PTPRN2: variants seen among roughly 807,000 people sequenced by gnomAD.
PTPRN2 encodes protein tyrosine phosphatase receptor type N2, also known as receptor-type tyrosine-protein phosphatase N2.
A neutral mutation model predicts 118.8 loss-of-function variants in PTPRN2; 74 were observed. The ratio of observed to expected loss-of-function variants is 0.62; its 90% CI spans 0.52 to 0.76. PTPRN2 has a LOEUF of 0.76. Ranked by LOEUF, PTPRN2 falls within the 30% of genes least tolerant of loss-of-function variation. PTPRN2 has a pLI of 0.00. For missense variants in PTPRN2, 1,481 were observed against 1,394.4 expected (o/e 1.06, Z -0.99); for synonymous variants, 641 against 608.0 (o/e 1.05, Z -0.80).
intron 12 of PTPRN2, among the ~76,000 whole-genome samples, chr7:157,720,274 C>A (rs1320036893): frequency 2.6e-5 from 4 of 152,102 alleles, no homozygotes; most frequent in African/African-American, 9.7e-5. Flanking sequence ...GCTACCCTCG[C>A]CCCATCATGC....
intron 2 of PTPRN2, among the ~76,000 whole-genome samples, chr7:158,389,249 G>A (rs1444496117): frequency 1.3e-5 from 2 of 152,250 alleles, no homozygotes; most frequent in Non-Finnish European, 2.9e-5. Context: ...CACACCTGCT[G>A]TACATAAAGT....
At chr7:158,342,166 C>G (rs569895895) in intron 2 of PTPRN2, among the ~76,000 whole-genome samples, 3 of 148,644 alleles carry the variant, frequency 2.0e-5, no homozygotes, top group South Asian at 2.2e-4. Flanking sequence ...CACCCACACT[C>G]TCACCATAAG....
intron 13 of PTPRN2, among the ~76,000 whole-genome samples, chr7:157,675,854 C>T (rs564476004): frequency 3.3e-5 from 5 of 152,304 alleles, no homozygotes; most frequent in East Asian, 3.9e-4. Context: ...AGGGGCTGGG[C>T]CTCGCACCCC....
rs369588929 is a variant in PTPRN2, at chr7:157,861,899, G to C, written c.1788+36774C>G. The stretch of plus-strand genomic sequence containing the variant: ...TCCTCCCCATCACAGGGACACTGCT[G>C]CTTCGAGGACTCTGTGTGCCGGAGT... On this transcript the variant is annotated intron_variant, in intron 12 of 22. Coordinates refer to ENST00000389418, the MANE Select transcript of PTPRN2 (RefSeq NM_002847.5). The surrounding 1 kb of genome is among the most constrained non-coding windows in gnomAD (Gnocchi z 5.8). Among the ~76,000 whole-genome samples, 236 of 148,424 alleles carry C rather than the reference G, an allele frequency of 1.6e-3. 2 individuals carry two copies. The South Asian group carries it at 0.037, about 23-fold the overall frequency.
At chr7:158,530,940 G>A (rs1298807069) in intron 1 of PTPRN2, among the ~76,000 whole-genome samples, 8 of 152,004 alleles carry the variant, frequency 5.3e-5, no homozygotes, top group Non-Finnish European at 1.0e-4. Flanking sequence ...AAACATACAC[G>A]TGTGTGTGTG....
At chr7:157,554,311 A>T (rs1396787048) in intron 21 of PTPRN2, among the ~76,000 whole-genome samples, 1 of 81,160 alleles carries the variant, frequency 1.2e-5, no homozygotes, top group Non-Finnish European at 2.4e-5. Flanking sequence ...CGGGCGCCGG[A>T]TCCTGCCCGC....
intron 16 of PTPRN2, among the ~76,000 whole-genome samples, chr7:157,601,931 G>A (rs1274602613): frequency 6.6e-6 from 1 of 152,198 alleles, no homozygotes; most frequent in Admixed American, 6.5e-5. Context: ...GTACAGGAAC[G>A]GAATCCAGGC....
At chr7:158,077,107 G>A (rs10247502) in intron 11 of PTPRN2, among the ~76,000 whole-genome samples, 49,282 of 152,116 alleles carry the variant, frequency 0.32, 8,802 homozygotes, top group African/African-American at 0.47. Flanking sequence ...CTCCAGCAGA[G>A]AGGCCTGTGA....
intron 12 of PTPRN2, among the ~76,000 whole-genome samples, chr7:157,887,419 TCCCCCAGTACCCACTC>T (rs1796519587): frequency 9.5e-5 from 2 of 21,134 alleles, no homozygotes; most frequent in African/African-American, 1.9e-4. Context: ...AGTACCCACT[TCCCCCAGTACCCACTC>T]CCCCAGTACC....
intron 3 of PTPRN2, 124 bp downstream of exon 3, chr7:158,316,694 GC>G (rs1302436321): frequency 1.4e-6 from 1 of 695,788 alleles, no homozygotes; most frequent in African/African-American, 1.8e-5. Context: ...GCTCCCACCT[GC>G]CCCTTCCACC....
At chr7:157,753,522 C>T (rs975965359) in intron 12 of PTPRN2, among the ~76,000 whole-genome samples, 7 of 152,206 alleles carry the variant, frequency 4.6e-5, no homozygotes, top group African/African-American at 1.7e-4. Context: ...CCCTAGTGGC[C>T]TCCGTCTGGG....
intron 2 of PTPRN2, among the ~76,000 whole-genome samples, chr7:158,398,541 T>G (rs1385200916): frequency 6.6e-6 from 1 of 152,238 alleles, no homozygotes; most frequent in African/African-American, 2.4e-5. Flanking sequence ...GTTGTCAAAG[T>G]TAACTCTCTC....
At chr7:158,195,408 A>C (rs561472386) in intron 4 of PTPRN2, among the ~76,000 whole-genome samples, 166 of 152,132 alleles carry the variant, frequency 1.1e-3, no homozygotes, top group African/African-American at 4.0e-3. Flanking sequence ...GTTTTGAGAA[A>C]TTTTATTATG....
At chr7:157,715,351 G>A (rs982222390) in intron 12 of PTPRN2, among the ~76,000 whole-genome samples, 2 of 152,200 alleles carry the variant, frequency 1.3e-5, no homozygotes, top group South Asian at 4.1e-4. Context: ...GGACACTGGG[G>A]TGCCAGTCCC....
chr7:157,919,240 C>G (rs1345810491), intron 11 of PTPRN2, among the ~76,000 whole-genome samples: 2 of 152,248 alleles, frequency 1.3e-5, no homozygotes, highest in African/African-American at 4.8e-5. Context: ...GTTGCATTCT[C>G]TAAGCAAAAT....
intron 1 of PTPRN2, among the ~76,000 whole-genome samples, chr7:158,521,651 TGTCCAGGTGCTGGCTCGGGAGGGAG>T (rs1824051785): frequency 1.0e-5 from 1 of 95,330 alleles, no homozygotes; most frequent in African/African-American, 5.5e-5. Context: ...AATGGTGGAC[TGTCCAGGTGCTGGCTCGGGAGGGAG>T]GTCCACGTCA....
At chr7:158,499,822 C>T (rs561325207) in intron 1 of PTPRN2, among the ~76,000 whole-genome samples, 4 of 140,172 alleles carry the variant, frequency 2.9e-5, no homozygotes, top group Non-Finnish European at 4.6e-5. Flanking sequence ...TATATATATA[C>T]ACACACCCTC....
At chr7:158,481,317 C>A (rs1820624245) in intron 2 of PTPRN2, among the ~76,000 whole-genome samples, 1 of 152,210 alleles carries the variant, frequency 6.6e-6, no homozygotes, top group South Asian at 2.1e-4. Flanking sequence ...AAAAAGATTC[C>A]TTTCAAAATA....
At chr7:158,453,030 T>C (rs921739115) in intron 2 of PTPRN2, among the ~76,000 whole-genome samples, 2 of 152,180 alleles carry the variant, frequency 1.3e-5, no homozygotes, top group Non-Finnish European at 2.9e-5. Context: ...AACTTGACAG[T>C]GTGAAAACTA....
Sources: gnomAD v4.1 joint callset for allele counts (sites outside exome capture counted in the v4.1 genomes callset) on GRCh38, gnomAD v4.1.1 for gene constraint, Gnocchi (gnomAD v3.1) non-coding constraint, MANE v1.5 for transcripts, NCBI Gene and HGNC (gene_info 2026-07-23, HGNC 2026-07-21) for gene names.